Variants in SPTAN1 observed in about 807,000 individuals in gnomAD.
The protein encoded by SPTAN1 is spectrin alpha, non-erythrocytic 1, also known as spectrin alpha chain, non-erythrocytic 1.
SPTAN1 carries 61 observed loss-of-function variants against 331.3 expected under a neutral mutation model. The observed-to-expected ratio is 0.18, with a 90% CI of 0.15 to 0.23. SPTAN1 has a LOEUF of 0.23. Among genes scored for constraint, SPTAN1 ranks in the 10% least tolerant of loss-of-function variants. The probability of loss-of-function intolerance (pLI) is 1.00; values close to 1 mark genes in which losing one functional copy is unlikely to be tolerated. For missense variants in SPTAN1, 2,043 were observed against 3,147.9 expected (o/e 0.65, Z 8.40); for synonymous variants, 1,153 against 1,173.9 (o/e 0.98, Z 0.36).
intron 1 of SPTAN1, among the ~76,000 whole-genome samples, chr9:128,559,270 C>T (rs924786363): frequency 6.6e-6 from 1 of 152,174 alleles, no homozygotes; most frequent in African/African-American, 2.4e-5. Flanking sequence ...TGGTTAATTT[C>T]AGCAGGGCCT....
Position 128,627,498 on chromosome 9 carries a change from G to A in SPTAN1, c.6689G>A (p.Arg2230Lys), listed in dbSNP as rs1858944781. The A allele has an allele frequency of 6.4e-7, 1 of 1,550,890 alleles. No homozygotes were observed. Among genetic ancestry groups the A allele is most frequent in the African/African-American group, 1.4e-5 (1 of 73,068 alleles). ...NAFHQWIQET[R>K]TYLLDGSCMV... is the part of the protein sequence containing the mutation. ...TTCCACCAGTGGATCCAAGAGACCA[G>A]GTGCCAGCCCGCTGGGGCCGGGGAG... Residue 2230 changes from arginine (R) to lysine (K), a missense_variant and splice_region_variant, in exon 50 of 57, where the codon AGG becomes AAG. By Grantham distance (26) the Arg-to-Lys change is conservative (BLOSUM62 2). Transcript: ENST00000372739. The surrounding 1 kb of genome is among the most constrained non-coding windows in gnomAD (Gnocchi z 4.9).
intron 22 of SPTAN1, among the ~76,000 whole-genome samples, chr9:128,592,624 A>G (rs1267286688): frequency 6.6e-6 from 1 of 152,228 alleles, no homozygotes; most frequent in Non-Finnish European, 1.5e-5. Flanking sequence ...GAGGAAAAAG[A>G]TCAAATACGT....
intron 20 of SPTAN1, 115 bp downstream of exon 20, chr9:128,587,813 CA>C: frequency 1.3e-6 from 1 of 771,632 alleles, no homozygotes; most frequent in Non-Finnish European, 2.3e-6. Context: ...TCTTGTGACA[CA>C]AAGATTTACA....
chr9:128,555,790 G>GA (rs1848572790), intron 1 of SPTAN1, among the ~76,000 whole-genome samples: 1 of 151,960 alleles, frequency 6.6e-6, no homozygotes, highest in South Asian at 2.1e-4. Context: ...TAGATATTTG[G>GA]AGAAAATAAT....
chr9:128,608,848 G>C lies in SPTAN1; in HGVS notation c.4492-26G>C, dbSNP rs750019133. On this transcript the variant is annotated intron_variant, in intron 34 of 56. Transcript: ENST00000372739. ...CAGGGCCCAGCCACAGGCCCACCTT[G>C]ATCTCATGCCTTTGTTTTCTGACAG... The C allele has an allele frequency of 5.0e-6, 8 of 1,611,070 alleles. No individual in the cohort carries two copies. In the Admixed American group the frequency reaches 1.2e-4, roughly 23 times the overall value.
In SPTAN1 at chr9:128,582,731, T is replaced by C. The variant is rs377387388; in HGVS notation, c.1688T>C (p.Met563Thr). The part of the protein sequence containing the change: ...SRRNALHERA[M>T]RRRAQLADSF... ...CGCAATGCCCTTCACGAGAGAGCCA[T>C]GCGTCGCCGGGCCCAGCTAGCCGAT... The change falls in exon 14 of 57, where the codon ATG becomes ACG. Residue 563 changes from methionine to threonine, a missense_variant. By Grantham distance (81) the Met-to-Thr change is moderately conservative. This residue lies in a region of SPTAN1 where 1,038 missense variants were observed against 1,531.5 expected (regional missense o/e 0.68). Transcript: ENST00000372739. The C allele has an allele frequency of 2.3e-4, 374 of 1,614,018 alleles. 5 individuals carry two copies. The South Asian group carries it at 3.9e-3, about 17-fold the overall frequency.
Position 128,552,653 on chromosome 9 carries a change from C to T in SPTAN1, c.-47C>T, listed in dbSNP as rs967567829. 6.6e-6 allele frequency: 1 copy of T among 151,826 alleles called. No homozygotes were observed. The highest frequency in any genetic ancestry group is 3.4e-3 in the Middle Eastern group (1 of 292). The allele number at this position is 151,826 out of a possible 1,614,324, so 9.4% of individuals were successfully genotyped here. A position where few individuals can be genotyped will look rare whatever the true frequency, so the allele number is the denominator to read the frequency against. On this transcript the variant is annotated 5_prime_UTR_variant, in exon 1 of 57. Coordinates refer to ENST00000372739, the MANE Select transcript of SPTAN1 (RefSeq NM_001130438.3). The surrounding 1 kb of genome is among the most constrained non-coding windows in gnomAD (Gnocchi z 4.6). The stretch of plus-strand genomic sequence containing the variant: ...GCGGAGGCTCCTCGGTCCTTCAGCA[C>T]CCCTCGGCCCGACGCACCCACGCCC...
chr9:128,583,222 C>G lies in SPTAN1; in HGVS notation c.1952C>G (p.Ala651Gly). 6.2e-7 allele frequency: 1 copy of G among 1,613,950 alleles called. No individual in the cohort carries two copies. Among genetic ancestry groups the G allele is most frequent in the Non-Finnish European group, 8.5e-7 (1 of 1,180,010 alleles). The change falls in exon 15 of 57, where the codon GCT (alanine) becomes GGT (glycine). Residue 651 changes from alanine (A) to glycine (G), a missense_variant. Transcript: ENST00000372739. ...CACTATGCCAAGGATGAAGTGGCAGCTCGTATGAATGAGGTGATCAGTTTG... is the reference window on the plus strand; with the variant it reads ...CACTATGCCAAGGATGAAGTGGCAGGTCGTATGAATGAGGTGATCAGTTTG... Reference protein sequence around the residue: ...VNHYAKDEVAARMNEVISLWK... With the variant: ...VNHYAKDEVAGRMNEVISLWK...
rs1175921845 is a variant in SPTAN1, at chr9:128,629,972, C to G, written c.6708-349C>G. 2.8e-5 allele frequency: 11 copies of G among 397,204 alleles called. No individual in the cohort carries two copies. The highest frequency in any genetic ancestry group is 2.0e-4 in the South Asian group (10 of 50,162). The allele number at this position is 397,204 out of a possible 1,614,324, so 24.6% of individuals were successfully genotyped here. A position where few individuals can be genotyped will look rare whatever the true frequency, so the allele number is the denominator to read the frequency against. On this transcript the variant is annotated intron_variant, in intron 51 of 56. Transcript: ENST00000372739. The surrounding 1 kb of genome is among the most constrained non-coding windows in gnomAD (Gnocchi z 4.9). Reference sequence around the variant, plus strand: ...CTGTCAGGTGTCAGGGTGTGCCATCCCCCACATGGCTGCAGAGAGGATGCT... The same window carrying G: ...CTGTCAGGTGTCAGGGTGTGCCATCGCCCACATGGCTGCAGAGAGGATGCT...
chr9:128,632,725 T>TA lies in SPTAN1; in HGVS notation c.7160+9dup. On this transcript the variant is annotated splice_region_variant and intron_variant, in intron 55 of 56. Transcript: ENST00000372739. ...ACACGGTGGATCCGAACAGGTAAAT[T>TA]AATTAAGGCCAGGTGCTGTGAGCCT... The TA allele has an allele frequency of 6.2e-7, 1 of 1,612,928 alleles. No individual in the cohort carries two copies. Among genetic ancestry groups the TA allele is most frequent in the Non-Finnish European group, 8.5e-7 (1 of 1,179,720 alleles).
intron 26 of SPTAN1, 99 bp downstream of exon 26, chr9:128,599,085 C>G (rs1854705324): frequency 8.4e-7 from 1 of 1,190,166 alleles, no homozygotes; most frequent in South Asian, 1.2e-5. Flanking sequence ...ATTGCTGTTC[C>G]TGAACCTCAG....
intron 3 of SPTAN1, among the ~76,000 whole-genome samples, chr9:128,570,145 G>A (rs1850479866): frequency 1.1e-4 from 16 of 151,716 alleles, no homozygotes; most frequent in Admixed American, 1.1e-3. Flanking sequence ...TTCCCAGAGT[G>A]AATGAGGCAC....
rs1439113614 is a variant in SPTAN1 at position 128,633,450 on chromosome 9, A to AAGACTT, written c.*119_*124dup. ...ACCTTAAGCCTGCTTAGCTTGGAAT[A>AAGACTT]AGACTTAGGAGAAAATGGTGCTTCA... On this transcript the variant is annotated 3_prime_UTR_variant, in exon 57 of 57. Coordinates refer to ENST00000372739, the MANE Select transcript of SPTAN1 (RefSeq NM_001130438.3). 3 of 1,550,466 alleles carry AAGACTT rather than the reference A, an allele frequency of 1.9e-6. No individual in the cohort carries two copies. In the African/African-American group the frequency reaches 4.1e-5, roughly 21 times the overall value.
intron 34 of SPTAN1, among the ~76,000 whole-genome samples, chr9:128,608,550 C>T (rs1241447589): frequency 6.6e-6 from 1 of 152,064 alleles, no homozygotes; most frequent in Non-Finnish European, 1.5e-5. Flanking sequence ...AGATGTAAAA[C>T]TGTTTGATTT....
intron 5 of SPTAN1, among the ~76,000 whole-genome samples, chr9:128,576,499 G>A (rs1248528474): frequency 6.6e-6 from 1 of 152,206 alleles, no homozygotes; most frequent in Non-Finnish European, 1.5e-5. Context: ...CAAGCAGTTA[G>A]GGTAGATGAG....
In SPTAN1 at chr9:128,584,357, A is replaced by C; in HGVS notation, c.2269A>C (p.Lys757Gln). ...AGHFDAENIK[K>Q]KQEALVARYE... ...CCATTTTGATGCAGAAAACATCAAGAAGAAACAGGAAGCCCTCGTGGCTCG... is the reference window on the plus strand; with the variant it reads ...CCATTTTGATGCAGAAAACATCAAGCAGAAACAGGAAGCCCTCGTGGCTCG... Residue 757 changes from lysine (K) to glutamine (Q), a missense_variant, in exon 17 of 57, where the codon AAG becomes CAG. Transcript: ENST00000372739. The C allele has an allele frequency of 6.2e-7, 1 of 1,614,212 alleles. No homozygotes were observed. Among genetic ancestry groups the C allele is most frequent in the Non-Finnish European group, 8.5e-7 (1 of 1,180,040 alleles).
rs1305834511 is a variant in SPTAN1 at position 128,629,555 on chromosome 9, G to A, written c.6708-766G>A. 6 of 204,052 alleles carry A rather than the reference G, an allele frequency of 2.9e-5. No homozygotes were observed. The highest frequency in any genetic ancestry group is 9.2e-5 in the African/African-American group (4 of 43,458). 12.6% of individuals were successfully genotyped at this position (204,052 alleles called of 1,614,324 possible). On this transcript the variant is annotated intron_variant, in intron 51 of 56. Transcript: ENST00000372739. The surrounding 1 kb of genome is among the most constrained non-coding windows in gnomAD (Gnocchi z 4.9). ...GGCTAAAACCCCACCAAGGCCACAC[G>A]CACCGTGTGATTCGTCCCTGCACGT...
At chr9:128,624,193 A>T (rs1221100657) in intron 45 of SPTAN1, 135 bp from the exon 46 acceptor site, 4 of 948,980 alleles carry the variant, frequency 4.2e-6, no homozygotes, top group Non-Finnish European at 6.6e-6. Flanking sequence ...GCCTTACCCT[A>T]TCATTGTTTA....
intron 1 of SPTAN1, chr9:128,555,412 C>G (rs1378929190): frequency 7.8e-7 from 1 of 1,289,118 alleles, no homozygotes; most frequent in African/African-American, 1.5e-5. Context: ...ATTTGACGAG[C>G]ATGCAGAAAA....
Sources: allele counts gnomAD v4.1 joint callset (sites outside exome capture counted in the v4.1 genomes callset), GRCh38; gene constraint gnomAD v4.1.1; regional missense constraint gnomAD v4.1.1; non-coding constraint Gnocchi (gnomAD v3.1); transcripts MANE v1.5; gene names NCBI Gene and HGNC (gene_info 2026-07-23, HGNC 2026-07-21).